GRK5: variants seen among roughly 807,000 people sequenced by gnomAD.
The protein encoded by GRK5 is G protein-coupled receptor kinase 5.
A neutral mutation model predicts 78.4 loss-of-function variants in GRK5; 40 were observed. The observed-to-expected ratio is 0.51, with a 90% CI of 0.40 to 0.66. The LOEUF is 0.66. GRK5 is among the 30% of genes least tolerant of loss of function. The pLI is 0.00. For missense variants in GRK5, 598 were observed against 759.9 expected (o/e 0.79, Z 2.50); for synonymous variants, 289 against 296.8 (o/e 0.97, Z 0.27).
chr10:119,356,007 C>T (rs1851258014), intron 2 of GRK5, among the ~76,000 whole-genome samples: 1 of 152,164 alleles, frequency 6.6e-6, no homozygotes, highest in African/African-American at 2.4e-5. Context: ...ACTTTTAAAT[C>T]TAGAGAGCTG....
Position 119,333,856 on chromosome 10 carries a change from A to C in GRK5, c.148+7245A>C, listed in dbSNP as rs1368684396. On this transcript the variant is annotated intron_variant, in intron 2 of 15. Transcript: ENST00000392870. ...AATTAAGATGAGATGACAAATCAAG[A>C]AAGTTCCACAGGGTATGGAGCAGGT... The C allele has an allele frequency of 5.6e-6, 3 of 532,018 alleles. No homozygotes were observed. In the Admixed American group the frequency reaches 5.8e-5, roughly 10 times the overall value. 33.0% of individuals were successfully genotyped at this position (532,018 alleles called of 1,614,324 possible).
At chr10:119,261,011 C>G (rs1282421859) in intron 1 of GRK5, among the ~76,000 whole-genome samples, 3 of 143,424 alleles carry the variant, frequency 2.1e-5, no homozygotes, top group East Asian at 2.2e-4. Context: ...ACCTCCCGGA[C>G]GGGGCGGCTG....
chr10:119,365,033 T>G (rs1489944066), intron 2 of GRK5, among the ~76,000 whole-genome samples: 2 of 152,172 alleles, frequency 1.3e-5, no homozygotes, highest in African/African-American at 4.8e-5. Flanking sequence ...ACAGACCTGT[T>G]TCAAGCCTGG....
chr10:119,438,135 GT>G (rs1267737896), intron 9 of GRK5, among the ~76,000 whole-genome samples: 2 of 152,172 alleles, frequency 1.3e-5, no homozygotes, highest in African/African-American at 4.8e-5. Context: ...ATTGTAATTA[GT>G]AGTAGATCTC....
At chr10:119,208,111 G>T (rs1025204023) in intron 1 of GRK5, 142 bp downstream of exon 1, 6 of 719,426 alleles carry the variant, frequency 8.3e-6, no homozygotes, top group Non-Finnish European at 1.1e-5. Context: ...TTCGGAGAGC[G>T]GCTCTGCAGA....
Position 119,452,902 on chromosome 10 carries a change from G to A in GRK5, c.1542+94G>A. On this transcript the variant is annotated intron_variant, in intron 14 of 15. Transcript: ENST00000392870. This position sits in a 1 kb window ranked among gnomAD's most constrained non-coding sequence, Gnocchi z 4.4. ...GGGAATATGAGTTTGGCGGCAGGAGGCTGAGCGCATGGTTTCTGTTTTCTC... is the reference window on the plus strand; with the variant it reads ...GGGAATATGAGTTTGGCGGCAGGAGACTGAGCGCATGGTTTCTGTTTTCTC... 7.1e-7 allele frequency: 1 copy of A among 1,409,092 alleles called. No individual in the cohort carries two copies. Among genetic ancestry groups the A allele is most frequent in the Non-Finnish European group, 9.8e-7 (1 of 1,018,402 alleles). 87.3% of individuals were successfully genotyped at this position (1,409,092 alleles called of 1,614,324 possible). A position where few individuals can be genotyped will look rare whatever the true frequency, so the allele number is the denominator to read the frequency against.
At chr10:119,300,064 A>C (rs1222018120) in intron 1 of GRK5, among the ~76,000 whole-genome samples, 1 of 152,120 alleles carries the variant, frequency 6.6e-6, no homozygotes, top group Non-Finnish European at 1.5e-5. Flanking sequence ...CCCTGGCATC[A>C]AGCATTCCCT....
chr10:119,269,375 G>A lies in GRK5; in HGVS notation c.53-57141G>A, dbSNP rs796374596. Among the ~76,000 whole-genome samples, 16 of 152,272 alleles carry A rather than the reference G, an allele frequency of 1.1e-4. 1 individual carries two copies. Among genetic ancestry groups the A allele is most frequent in the African/African-American group, 3.4e-4 (14 of 41,558 alleles). On this transcript the variant is annotated intron_variant, in intron 1 of 15. Coordinates refer to ENST00000392870, the MANE Select transcript of GRK5 (RefSeq NM_005308.3). Reference sequence around the variant, plus strand: ...CCCATGGAAGGGGTTTCCTGAGGACGTCCTATAGTCCCTGAACATGCAGCC... The same window carrying A: ...CCCATGGAAGGGGTTTCCTGAGGACATCCTATAGTCCCTGAACATGCAGCC...
chr10:119,314,752 C>T (rs1850455176), intron 1 of GRK5, among the ~76,000 whole-genome samples: 1 of 152,232 alleles, frequency 6.6e-6, no homozygotes, highest in Non-Finnish European at 1.5e-5. Context: ...GGAGCAGTCT[C>T]CTCCTGACGC....
intron 1 of GRK5, among the ~76,000 whole-genome samples, chr10:119,319,988 C>T (rs542543105): frequency 2.6e-5 from 4 of 152,328 alleles, no homozygotes; most frequent in Admixed American, 2.0e-4. Context: ...GCCTCCTTCC[C>T]GGGAGCAGGT....
intron 1 of GRK5, among the ~76,000 whole-genome samples, chr10:119,281,013 C>T (rs1849754398): frequency 6.6e-6 from 1 of 151,938 alleles, no homozygotes; most frequent in Non-Finnish European, 1.5e-5. Context: ...CTGCTGACCT[C>T]ATGATCCACA....
rs80132616 is a variant in GRK5 at position 119,252,514 on chromosome 10, C to T, written c.52+44545C>T. ...TGGAGAGGCGGGGAAGGGCACTGGA[C>T]CGGGTGTCTCGAGACCTGGGCATGG... On this transcript the variant is annotated intron_variant, in intron 1 of 15. Coordinates refer to ENST00000392870, the MANE Select transcript of GRK5 (RefSeq NM_005308.3). Among the ~76,000 whole-genome samples, 136 of 152,146 alleles carry T rather than the reference C, an allele frequency of 8.9e-4. 4 individuals are homozygous for T. In the East Asian group the frequency reaches 0.024, roughly 27 times the overall value.
At chr10:119,415,864 T>G (rs1852438895) in intron 4 of GRK5, among the ~76,000 whole-genome samples, 1 of 152,196 alleles carries the variant, frequency 6.6e-6, no homozygotes, top group Non-Finnish European at 1.5e-5. Context: ...TCTCTCAGTT[T>G]CCCCATCTGT....
At chr10:119,235,162 T>C (rs1224454681) in intron 1 of GRK5, among the ~76,000 whole-genome samples, 1 of 151,818 alleles carries the variant, frequency 6.6e-6, no homozygotes, top group Admixed American at 6.6e-5. Context: ...ATTTTTTTTA[T>C]TTTTGTAGAG....
intron 2 of GRK5, among the ~76,000 whole-genome samples, chr10:119,358,239 G>C (rs546488342): frequency 2.4e-4 from 37 of 152,164 alleles, no homozygotes; most frequent in Non-Finnish European, 4.6e-4. Context: ...TGCATGGCTG[G>C]TCCTAGCTCG....
intron 2 of GRK5, among the ~76,000 whole-genome samples, chr10:119,332,168 G>A (rs1444518266): frequency 2.7e-5 from 4 of 150,346 alleles, no homozygotes; most frequent in East Asian, 3.9e-4. Flanking sequence ...GTGCAGTGGC[G>A]TGATCTTGGT....
chr10:119,263,361 A>T (rs538248845), intron 1 of GRK5, among the ~76,000 whole-genome samples: 16 of 151,740 alleles, frequency 1.1e-4, no homozygotes, highest in South Asian at 4.2e-4. Context: ...TGGAAAAAAA[A>T]TTTTTTTTTC....
At chr10:119,410,263 A>G (rs1172997645) in intron 4 of GRK5, among the ~76,000 whole-genome samples, 1 of 152,190 alleles carries the variant, frequency 6.6e-6, no homozygotes, top group African/African-American at 2.4e-5. Context: ...TTCTCATTAA[A>G]GTTGCCCAGC....
At chr10:119,360,851 C>T (rs960122309) in intron 2 of GRK5, among the ~76,000 whole-genome samples, 5 of 152,312 alleles carry the variant, frequency 3.3e-5, no homozygotes, top group Admixed American at 2.6e-4. Context: ...GAACACAGCT[C>T]CCTTCCTGCC....
Sources: gnomAD v4.1 joint callset for allele counts (sites outside exome capture counted in the v4.1 genomes callset) on GRCh38, gnomAD v4.1.1 for gene constraint, Gnocchi (gnomAD v3.1) non-coding constraint, MANE v1.5 for transcripts, NCBI Gene and HGNC (gene_info 2026-07-23, HGNC 2026-07-21) for gene names.